Variants in NAV3 observed in about 807,000 individuals in gnomAD.
The protein encoded by NAV3 is pore membrane and/or filament interacting like protein 1.
Under a neutral mutation model 244.7 loss-of-function variants are expected in NAV3, and 87 were observed. The observed-to-expected ratio is 0.36, with a 90% confidence interval of 0.30 to 0.42. The LOEUF is 0.42. NAV3 is among the 20% of genes least tolerant of loss of function. The probability of loss-of-function intolerance (pLI) is 1.00; values close to 1 mark genes in which losing one functional copy is unlikely to be tolerated. For synonymous variants in NAV3, 1,126 were observed against 1,042.2 expected (o/e 1.08, Z -1.55); for missense variants, 2,663 against 2,893.3 (o/e 0.92, Z 1.83).
At chr12:78,170,008 T>C (rs2139574018) in intron 24 of NAV3, among the ~76,000 whole-genome samples, 1 of 151,848 alleles carries the variant, frequency 6.6e-6, no homozygotes, top group South Asian at 2.1e-4. Flanking sequence ...CCATTATGAT[T>C]CTATGCATCC....
chr12:77,605,185 G>C (rs1410978665), intron 2 of NAV3, among the ~76,000 whole-genome samples: 1 of 152,030 alleles, frequency 6.6e-6, no homozygotes, highest in Non-Finnish European at 1.5e-5. Flanking sequence ...CTTGCAAAAT[G>C]CCCTGCAATC....
chr12:77,734,047 A>G (rs912740111), intron 2 of NAV3, among the ~76,000 whole-genome samples: 4 of 151,960 alleles, frequency 2.6e-5, no homozygotes, highest in Non-Finnish European at 4.4e-5. Context: ...TAGAAAAGAG[A>G]GACAAAAAGA....
intron 2 of NAV3, among the ~76,000 whole-genome samples, chr12:77,615,933 G>A (rs183419395): frequency 4.3e-4 from 65 of 152,208 alleles, no homozygotes; most frequent in Admixed American, 1.6e-3. Flanking sequence ...CGGGGCAGAG[G>A]GGGACATTAT....
chr12:77,691,371 A>AT (rs1565774139), intron 2 of NAV3, among the ~76,000 whole-genome samples: 1 of 127,560 alleles, frequency 7.8e-6, no homozygotes, highest in African/African-American at 2.8e-5. Context: ...CCATTCTTGT[A>AT]CTTTTTCTGC....
intron 15 of NAV3, among the ~76,000 whole-genome samples, chr12:78,120,788 A>G (rs764159573): frequency 4.6e-5 from 7 of 152,224 alleles, no homozygotes; most frequent in Non-Finnish European, 1.0e-4. Flanking sequence ...TTTATAGTTC[A>G]TTATGGGTTC....
intron 12 of NAV3, among the ~76,000 whole-genome samples, chr12:78,106,184 A>T (rs182214267): frequency 0.013 from 1,984 of 152,166 alleles, 19 homozygotes; most frequent in Non-Finnish European, 0.02. Flanking sequence ...AAAAGCCAAA[A>T]AAATCAATAA....
At chr12:78,110,693 A>T (rs300431) in intron 12 of NAV3, among the ~76,000 whole-genome samples, 121,065 of 150,790 alleles carry the variant, frequency 0.8, 48,878 homozygotes, top group Non-Finnish European at 0.85. Flanking sequence ...ATATATATAT[A>T]GTGTGTGTGT....
chr12:77,829,752 GC>G (rs1237942319), upstream of NAV3, among the ~76,000 whole-genome samples: 1 of 152,092 alleles, frequency 6.6e-6, no homozygotes. Context: ...TGCTGCATCA[GC>G]AGAACATATA....
chr12:77,956,477 G>A (rs1891369528), intron 3 of NAV3, among the ~76,000 whole-genome samples: 1 of 152,128 alleles, frequency 6.6e-6, no homozygotes, highest in Non-Finnish European at 1.5e-5. Context: ...ATAAATCTTT[G>A]AGGTATTATA....
At chr12:77,921,081 T>C (rs1887666810) in intron 1 of NAV3, among the ~76,000 whole-genome samples, 2 of 152,178 alleles carry the variant, frequency 1.3e-5, no homozygotes, top group South Asian at 4.1e-4. Context: ...AAGCTGAAAT[T>C]TAAGTCTAGT....
At chr12:77,734,531 A>G (rs907699129) in intron 2 of NAV3, among the ~76,000 whole-genome samples, 15 of 152,074 alleles carry the variant, frequency 9.9e-5, no homozygotes, top group African/African-American at 3.4e-4. Flanking sequence ...ACAAATCACA[A>G]CAACTAACTT....
intron 15 of NAV3, among the ~76,000 whole-genome samples, chr12:78,121,154 G>A (rs941546955): frequency 6.6e-6 from 1 of 152,116 alleles, no homozygotes; most frequent in Non-Finnish European, 1.5e-5. Context: ...AACTCAATTA[G>A]TAATCATTAT....
rs1378221277 is a variant in NAV3 at position 77,998,495 on chromosome 12, A to C, written c.880+19A>C. 2.5e-6 allele frequency: 4 copies of C among 1,585,832 alleles called. No individual in the cohort carries two copies. In the South Asian group the frequency reaches 3.5e-5, roughly 14 times the overall value. ...GAAAAAGGTAAGTGTTTGTTACATC[A>C]TTATGACACAAGTCCAACATGAGTC... On this transcript the variant is annotated intron_variant, in intron 7 of 39. Transcript: ENST00000397909.
intron 4 of NAV3, 116 bp from the exon 5 acceptor site, chr12:77,968,403 G>A: frequency 1.3e-6 from 1 of 798,408 alleles, no homozygotes. Context: ...GTGACTGAGA[G>A]AATTAAGTTG....
At chr12:77,719,362 G>C (rs754257961) in intron 2 of NAV3, among the ~76,000 whole-genome samples, 3 of 149,890 alleles carry the variant, frequency 2.0e-5, no homozygotes, top group African/African-American at 7.3e-5. Context: ...AATTGTGAGA[G>C]TAGGAATCTT....
chr12:78,208,716 T>C (rs998259170), intron 39 of NAV3, among the ~76,000 whole-genome samples: 7 of 152,226 alleles, frequency 4.6e-5, no homozygotes, highest in African/African-American at 7.2e-5. Context: ...GTGAAACTTT[T>C]ACAACATCCA....
chr12:77,881,790 C>T (rs936559), intron 1 of NAV3, among the ~76,000 whole-genome samples: 75,653 of 151,874 alleles, frequency 0.5, 19,014 homozygotes, highest in African/African-American at 0.51. Flanking sequence ...AGCATCCAGG[C>T]AGAGAGTCAA....
chr12:77,574,034 G>C (rs1297317990), intron 2 of NAV3, among the ~76,000 whole-genome samples: 1 of 152,098 alleles, frequency 6.6e-6, no homozygotes, highest in Non-Finnish European at 1.5e-5. Flanking sequence ...AATAGTAATA[G>C]AATTTAGACA....
At chr12:78,095,811 C>T (rs1395979203) in intron 12 of NAV3, among the ~76,000 whole-genome samples, 4 of 152,126 alleles carry the variant, frequency 2.6e-5, no homozygotes, top group Non-Finnish European at 5.9e-5. Flanking sequence ...CAGAATGAAT[C>T]ATATAGTTGT....
Sources: allele counts gnomAD v4.1 joint callset (sites outside exome capture counted in the v4.1 genomes callset), GRCh38; gene constraint gnomAD v4.1.1; transcripts MANE v1.5; gene names NCBI Gene and HGNC (gene_info 2026-07-23, HGNC 2026-07-21).